The following PTPN4 variants were observed in gnomAD, a reference collection of about 807,000 sequenced individuals.
PTPN4 encodes the protein protein tyrosine phosphatase non-receptor type 4.
In PTPN4, 49 loss-of-function variants were observed where a neutral mutation model predicts 135.5. The ratio of observed to expected loss-of-function variants is 0.36; its 90% confidence interval spans 0.29 to 0.46. PTPN4 has a LOEUF of 0.46. Among genes scored for constraint, PTPN4 ranks in the 20% least tolerant of loss-of-function variants. The pLI, the probability that PTPN4 is intolerant of heterozygous loss-of-function variation, is 1.00. For synonymous variants in PTPN4, 333 were observed against 369.9 expected, an observed-to-expected ratio of 0.90 and a Z score of 1.14; for missense variants, 860 against 1,101.0, an observed-to-expected ratio of 0.78 and a Z score of 3.10.
intron 5 of PTPN4, among the ~76,000 whole-genome samples, chr2:119,881,342 A>G (rs1678074707): frequency 6.6e-6 from 1 of 152,226 alleles, no homozygotes; most frequent in Admixed American, 6.5e-5. Context: ...TAAAATGATC[A>G]AAACGCTGGC....
intron 1 of PTPN4, among the ~76,000 whole-genome samples, chr2:119,789,896 T>C (rs1316558162): frequency 6.6e-6 from 1 of 151,982 alleles, no homozygotes; most frequent in Non-Finnish European, 1.5e-5. Flanking sequence ...CTAATTTTTT[T>C]TTTGTATTTT....
At chr2:119,848,363 C>T (rs763829103) in intron 2 of PTPN4, among the ~76,000 whole-genome samples, 3 of 151,886 alleles carry the variant, frequency 2.0e-5, no homozygotes, top group Admixed American at 6.6e-5. Context: ...TTAATAGAGA[C>T]GGGGTTTCAC....
At chr2:119,790,258 G>T (rs1691120540) in intron 1 of PTPN4, among the ~76,000 whole-genome samples, 1 of 151,718 alleles carries the variant, frequency 6.6e-6, no homozygotes, top group South Asian at 2.1e-4. Context: ...CAAATGTTCT[G>T]TTTATTTTTC....
intron 1 of PTPN4, among the ~76,000 whole-genome samples, chr2:119,795,811 C>T (rs760532744): frequency 1.3e-5 from 2 of 152,242 alleles, no homozygotes; most frequent in Non-Finnish European, 2.9e-5. Context: ...CCTTGGGGCC[C>T]TCTATCCCCA....
intron 2 of PTPN4, among the ~76,000 whole-genome samples, chr2:119,857,107 A>G (rs192370400): frequency 4.2e-4 from 64 of 151,698 alleles, no homozygotes; most frequent in Admixed American, 3.6e-3. Flanking sequence ...TTATTTTGAG[A>G]CAGTCTTACT....
chr2:119,884,953 G>C (rs891701150), intron 8 of PTPN4, among the ~76,000 whole-genome samples: 1 of 152,082 alleles, frequency 6.6e-6, no homozygotes, highest in Admixed American at 6.5e-5. Flanking sequence ...GATAACTAAG[G>C]TTGTAAAAAC....
intron 11 of PTPN4, chr2:119,916,041 A>G (rs536802793): frequency 6.7e-6 from 1 of 149,048 alleles, no homozygotes; most frequent in South Asian, 2.2e-4. Flanking sequence ...AAAAAAATGG[A>G]AAAAAAAAAT....
chr2:119,957,112 A>G (rs985277580), intron 22 of PTPN4, 35 bp downstream of exon 22: 1 of 1,556,536 alleles, frequency 6.4e-7, no homozygotes, highest in Non-Finnish European at 8.7e-7. Context: ...TGCCATTTGG[A>G]AAAATACGAG....
intron 1 of PTPN4, among the ~76,000 whole-genome samples, chr2:119,783,463 A>G (rs1356769496): frequency 2.0e-5 from 3 of 152,376 alleles, no homozygotes; most frequent in South Asian, 2.1e-4. Context: ...TATTGAGTGC[A>G]GTGAATCAGA....
intron 5 of PTPN4, among the ~76,000 whole-genome samples, chr2:119,880,596 ATTTTTTTT>A (rs754993839): frequency 7.0e-6 from 1 of 143,412 alleles, no homozygotes. Flanking sequence ...CGCCTGGCTA[ATTTTTTTT>A]TTTTTGTATT....
intron 1 of PTPN4, among the ~76,000 whole-genome samples, chr2:119,782,512 C>G (rs1039813998): frequency 2.0e-5 from 3 of 151,938 alleles, no homozygotes; most frequent in African/African-American, 7.3e-5. Context: ...TAGGACAGTA[C>G]AGATTATAGA....
Position 119,874,492 on chromosome 2 carries a change from T to C in PTPN4, c.247-2831T>C, listed in dbSNP as rs78129350. On this transcript the variant is annotated intron_variant, in intron 3 of 26. Transcript: ENST00000263708. ...CAATGTAGATGAACCAAGAAAACCT[T>C]GTCTGTGAAAGCAGACAAACACAAA... 4.9e-3 allele frequency among the ~76,000 whole-genome samples: 752 copies of C among 152,324 alleles called. 6 individuals are homozygous for C. Among genetic ancestry groups the C allele is most frequent in the African/African-American group, 0.017 (689 of 41,578 alleles).
chr2:119,793,238 C>A (rs1220295335), intron 1 of PTPN4, among the ~76,000 whole-genome samples: 1 of 152,134 alleles, frequency 6.6e-6, no homozygotes, highest in African/African-American at 2.4e-5. Flanking sequence ...CATTCTTTCC[C>A]CAGGGCTGTC....
chr2:119,795,842 C>A (rs1241821761), intron 1 of PTPN4, among the ~76,000 whole-genome samples: 1 of 152,254 alleles, frequency 6.6e-6, no homozygotes, highest in Admixed American at 6.5e-5. Context: ...CCTAACATCA[C>A]TGCTCCCTCA....
Position 119,914,302 on chromosome 2 carries a change from T to C in PTPN4, c.765-877T>C, listed in dbSNP as rs1678618489. Among the ~76,000 whole-genome samples, 6 of 144,168 alleles carry C rather than the reference T, an allele frequency of 4.2e-5. No homozygotes were observed. In the South Asian group the frequency reaches 1.4e-3, roughly 33 times the overall value. The allele number at this position is 144,168 out of a possible 152,430, so 94.6% of individuals were successfully genotyped here. ...GCTTCTGGAAATAATGCCCTCTCTC[T>C]ATGACAGAATATTTTTCCCATGTCG... On this transcript the variant is annotated intron_variant, in intron 10 of 26. Transcript: ENST00000263708.
At chr2:119,968,405 A>G (rs1254308157) in intron 26 of PTPN4, among the ~76,000 whole-genome samples, 1 of 152,238 alleles carries the variant, frequency 6.6e-6, no homozygotes, top group Non-Finnish European at 1.5e-5. Context: ...AATGCTGAGA[A>G]TGATAGTATC....
intron 15 of PTPN4, among the ~76,000 whole-genome samples, chr2:119,943,604 G>A (rs900884437): frequency 3.0e-4 from 2 of 6,630 alleles, no homozygotes; most frequent in African/African-American, 1.0e-3. Flanking sequence ...TTTTTTTTTT[G>A]AGATGGAGTC....
chr2:119,954,019 C>G (rs72840424), intron 19 of PTPN4, among the ~76,000 whole-genome samples: 3,166 of 152,238 alleles, frequency 0.021, 60 homozygotes, highest in Non-Finnish European at 0.033. Context: ...CAGTGTGGGT[C>G]TGTCTTTTCC....
intron 1 of PTPN4, among the ~76,000 whole-genome samples, chr2:119,765,931 T>TGC (rs71862017): frequency 7.0e-6 from 1 of 143,836 alleles, no homozygotes; most frequent in African/African-American, 2.6e-5. Flanking sequence ...TGTGTGTGTG[T>TGC]GTGCGCGCGC....
Sources: allele counts gnomAD v4.1 joint callset (sites outside exome capture counted in the v4.1 genomes callset), GRCh38; gene constraint gnomAD v4.1.1; transcripts MANE v1.5; gene names NCBI Gene and HGNC (gene_info 2026-07-23, HGNC 2026-07-21).